Variants in THSD4 observed in about 807,000 individuals in gnomAD.
THSD4 encodes the protein thrombospondin type-1 domain-containing protein 4.
Under a neutral mutation model 119.0 loss-of-function variants are expected in THSD4, and 69 were observed. The observed-to-expected ratio is 0.58, with a 90% CI of 0.48 to 0.71. THSD4 has a LOEUF of 0.71. THSD4 is among the 30% of genes least tolerant of loss of function. The pLI is 0.00. For synonymous variants in THSD4, 524 were observed against 540.4 expected, an observed-to-expected ratio of 0.97 and a Z score of 0.42; for missense variants, 1,393 against 1,391.1, an observed-to-expected ratio of 1.00 and a Z score of -0.02.
chr15:71,587,787 TAAAAAAAAAAAAG>T lies in THSD4; in HGVS notation c.1153-72724_1153-72712del, dbSNP rs1221969547. ...TTAGAGTATAATAAAAAAAAAAAAT[TAAAAAAAAAAAAG>T]AAAAAAAAAAAAGAAAAACCAAAAA... On this transcript the variant is annotated intron_variant, in intron 7 of 17. Coordinates refer to ENST00000261862, the MANE Select transcript of THSD4 (RefSeq NM_024817.3). Among the ~76,000 whole-genome samples the T allele has an allele frequency of 1.5e-3, 161 of 105,580 alleles. 1 individual carries two copies. The highest frequency in any genetic ancestry group is 5.3e-3 in the African/African-American group (149 of 27,922). 69.3% of individuals were successfully genotyped at this position (105,580 alleles called of 152,430 possible).
Position 71,215,075 on chromosome 15 carries a change from ACGGCGG to A in THSD4, c.149_154del (p.Gly50_Gly51del). ...GCGGCGGAGGGCGCCCCCGAGGACG[ACGGCGG>A]CGGCGGCGCCCCGGGAGTGTGGGGC... is the stretch of plus-strand genomic sequence containing the variant. On this transcript the variant is annotated inframe_deletion, in exon 4 of 18. Coordinates refer to ENST00000261862, the MANE Select transcript of THSD4 (RefSeq NM_024817.3). The A allele has an allele frequency of 7.7e-7, 1 of 1,301,042 alleles. No individual in the cohort carries two copies. 80.6% of individuals were successfully genotyped at this position (1,301,042 alleles called of 1,614,324 possible). A position where few individuals can be genotyped will look rare whatever the true frequency, so the allele number is the denominator to read the frequency against.
At chr15:71,519,697 G>C (rs1399223048) in intron 7 of THSD4, among the ~76,000 whole-genome samples, 2 of 152,332 alleles carry the variant, frequency 1.3e-5, no homozygotes, top group East Asian at 3.9e-4. Flanking sequence ...TGGTTTCTAT[G>C]TATGGAACAG....
intron 10 of THSD4, among the ~76,000 whole-genome samples, chr15:71,736,943 G>A (rs2053124954): frequency 6.6e-6 from 1 of 152,196 alleles, no homozygotes; most frequent in Non-Finnish European, 1.5e-5. Context: ...AAAGTGACCT[G>A]CCACACCTGT....
At chr15:71,754,358 G>A (rs533813172) in intron 14 of THSD4, among the ~76,000 whole-genome samples, 4 of 152,216 alleles carry the variant, frequency 2.6e-5, no homozygotes, top group Admixed American at 2.6e-4. Flanking sequence ...CGAAAGTGCT[G>A]GGATTACAGG....
At chr15:71,227,701 T>A (rs1175521088) in intron 4 of THSD4, among the ~76,000 whole-genome samples, 1 of 152,220 alleles carries the variant, frequency 6.6e-6, no homozygotes, top group Non-Finnish European at 1.5e-5. Flanking sequence ...GGAATGGGAT[T>A]TGAGTGCAGG....
At chr15:71,337,993 A>G (rs1049002960) in intron 6 of THSD4, among the ~76,000 whole-genome samples, 1 of 152,162 alleles carries the variant, frequency 6.6e-6, no homozygotes, top group South Asian at 2.1e-4. Context: ...GGAAAAATGT[A>G]TGTAAAATGC....
chr15:71,210,812 C>G (rs571664040), intron 3 of THSD4, among the ~76,000 whole-genome samples: 1 of 152,256 alleles, frequency 6.6e-6, no homozygotes, highest in East Asian at 1.9e-4. Context: ...GAATCTACCT[C>G]ATCCTACCAG....
In THSD4 at chr15:71,665,410, T is replaced by A. The variant is rs566706619; in HGVS notation, c.1357+4676T>A. 1.3e-5 allele frequency among the ~76,000 whole-genome samples: 2 copies of A among 152,214 alleles called. 1 individual carries two copies. The highest frequency in any genetic ancestry group is 4.1e-4 in the South Asian group (2 of 4,828). Reference sequence around the variant, plus strand: ...TGCTGGATATGAGACCTTTGTCTGATGTATAGTTTGCAAATATTTTCTCCC... The same window carrying A: ...TGCTGGATATGAGACCTTTGTCTGAAGTATAGTTTGCAAATATTTTCTCCC... On this transcript the variant is annotated intron_variant, in intron 8 of 17. Coordinates refer to ENST00000261862, the MANE Select transcript of THSD4 (RefSeq NM_024817.3).
intron 3 of THSD4, among the ~76,000 whole-genome samples, chr15:71,190,824 A>T (rs1881387732): frequency 6.6e-6 from 1 of 152,090 alleles, no homozygotes; most frequent in Admixed American, 6.5e-5. Flanking sequence ...TGAATTTTGG[A>T]ATGCAGAAGG....
chr15:71,438,782 A>G (rs2140550269), intron 7 of THSD4, among the ~76,000 whole-genome samples: 1 of 152,348 alleles, frequency 6.6e-6, no homozygotes, highest in East Asian at 1.9e-4. Context: ...GAAGTGATGA[A>G]AGGTAAGTTT....
intron 6 of THSD4, among the ~76,000 whole-genome samples, chr15:71,344,945 G>A (rs2045634653): frequency 6.6e-6 from 1 of 152,046 alleles, no homozygotes; most frequent in Non-Finnish European, 1.5e-5. Flanking sequence ...AGAAAAGTGA[G>A]CCAAGAATTC....
chr15:71,681,995 T>C (rs1245303642), intron 8 of THSD4, among the ~76,000 whole-genome samples: 1 of 152,206 alleles, frequency 6.6e-6, no homozygotes, highest in Non-Finnish European at 1.5e-5. Flanking sequence ...GCTGTCAGCA[T>C]GTGAGGGTCA....
intron 4 of THSD4, among the ~76,000 whole-genome samples, chr15:71,224,451 A>T (rs1467552110): frequency 6.6e-6 from 1 of 152,230 alleles, no homozygotes; most frequent in Non-Finnish European, 1.5e-5. Context: ...CTGTTTGGCT[A>T]TGCCATCTAC....
chr15:71,718,759 C>T (rs2052659689), intron 8 of THSD4, among the ~76,000 whole-genome samples: 1 of 152,108 alleles, frequency 6.6e-6, no homozygotes, highest in Non-Finnish European at 1.5e-5. Flanking sequence ...TCTTCAAGAC[C>T]CCCAATGCCC....
intron 7 of THSD4, among the ~76,000 whole-genome samples, chr15:71,610,095 T>C (rs528111240): frequency 2.0e-5 from 3 of 152,286 alleles, no homozygotes; most frequent in African/African-American, 4.8e-5. Context: ...CATCCAGTCA[T>C]GCACAGTCCT....
At chr15:71,487,650 G>C (rs2047843270) in intron 7 of THSD4, among the ~76,000 whole-genome samples, 1 of 152,172 alleles carries the variant, frequency 6.6e-6, no homozygotes, top group Non-Finnish European at 1.5e-5. Context: ...GTAAGATCAT[G>C]TTAAATGGTA....
At chr15:71,480,980 T>A (rs889987768) in intron 7 of THSD4, among the ~76,000 whole-genome samples, 1 of 152,224 alleles carries the variant, frequency 6.6e-6, no homozygotes, top group Non-Finnish European at 1.5e-5. Flanking sequence ...TTTGGTCCAA[T>A]GTCAAATAGT....
intron 7 of THSD4, among the ~76,000 whole-genome samples, chr15:71,494,202 TTGTTTG>T (rs2047973345): frequency 6.6e-6 from 1 of 152,248 alleles, no homozygotes; most frequent in Non-Finnish European, 1.5e-5. Flanking sequence ...TTTGCACTTA[TTGTTTG>T]TATTTGCAAA....
intron 6 of THSD4, among the ~76,000 whole-genome samples, chr15:71,357,664 G>T (rs577689795): frequency 6.6e-6 from 1 of 152,132 alleles, no homozygotes; most frequent in Admixed American, 6.5e-5. Flanking sequence ...TCCAGCAACC[G>T]GAGTCCTTTC....
Sources: allele counts gnomAD v4.1 joint callset (sites outside exome capture counted in the v4.1 genomes callset), GRCh38; gene constraint gnomAD v4.1.1; transcripts MANE v1.5; gene names NCBI Gene and HGNC (gene_info 2026-07-23, HGNC 2026-07-21).